Variants in PDK1 observed in about 807,000 individuals in gnomAD.
PDK1 encodes the protein [Pyruvate dehydrogenase (acetyl-transferring)] kinase isozyme 1, mitochondrial.
In PDK1, 39 loss-of-function variants were observed where a neutral mutation model predicts 54.2. The observed-to-expected ratio is 0.72, with a 90% CI of 0.56 to 0.94. The LOEUF is 0.94. Ranked by LOEUF, PDK1 falls within the 40% of genes least tolerant of loss-of-function variation. The pLI is 0.00. For synonymous variants in PDK1, 221 were observed against 207.1 expected (o/e 1.07, Z -0.58); for missense variants, 552 against 566.0 (o/e 0.98, Z 0.25).
chr2:172,671,791 G>A, the PDK1 span, among the ~76,000 whole-genome samples: 9,562 of 152,198 alleles, frequency 0.063, 1,022 homozygotes, highest in East Asian at 0.53. Flanking sequence ...CTGTCTTAGA[G>A]TAATAGTTTA....
At chr2:172,592,179 A>G (rs1343603004) in intron 9 of PDK1, among the ~76,000 whole-genome samples, 2 of 152,286 alleles carry the variant, frequency 1.3e-5, no homozygotes, top group African/African-American at 4.8e-5. Flanking sequence ...CACTGACAAC[A>G]AGGTGGTATT....
At chr2:172,575,691 G>C (rs1574493428) in intron 8 of PDK1, among the ~76,000 whole-genome samples, 1 of 151,936 alleles carries the variant, frequency 6.6e-6, no homozygotes, top group Non-Finnish European at 1.5e-5. Context: ...GCACGGTGGT[G>C]CGTGCCTGTA....
At chr2:172,692,328 C>G in the PDK1 span, among the ~76,000 whole-genome samples, 1 of 152,116 alleles carries the variant, frequency 6.6e-6, no homozygotes, top group South Asian at 2.1e-4. Flanking sequence ...ATACAAGGTA[C>G]TGGTGGCTCT....
chr2:172,657,132 G>C, the PDK1 span, among the ~76,000 whole-genome samples: 14 of 152,096 alleles, frequency 9.2e-5, no homozygotes, highest in Non-Finnish European at 2.1e-4. Context: ...GGTTTGCCCT[G>C]TGACCTCAAT....
At chr2:172,571,004 T>C (rs1271947673) in intron 8 of PDK1, among the ~76,000 whole-genome samples, 180 bp downstream of exon 8, 2 of 152,200 alleles carry the variant, frequency 1.3e-5, no homozygotes, top group African/African-American at 4.8e-5. Context: ...TAGTTATCCC[T>C]TGAGTCTTTT....
At chr2:172,560,313 G>A (rs964528941) in intron 2 of PDK1, among the ~76,000 whole-genome samples, 1 of 152,136 alleles carries the variant, frequency 6.6e-6, no homozygotes, top group Admixed American at 6.5e-5. Flanking sequence ...CCACAGCCAT[G>A]CGCCACCATA....
chr2:172,573,499 G>T (rs1416087444), intron 8 of PDK1, among the ~76,000 whole-genome samples: 1 of 148,732 alleles, frequency 6.7e-6, no homozygotes, highest in Non-Finnish European at 1.5e-5. Flanking sequence ...GGGATTCTAT[G>T]TGTGTGTATA....
intron 8 of PDK1, among the ~76,000 whole-genome samples, chr2:172,574,957 G>T (rs1689497484): frequency 6.6e-6 from 1 of 152,138 alleles, no homozygotes; most frequent in South Asian, 2.1e-4. Context: ...CTAAGGGGGA[G>T]AACTTCTTGT....
At chr2:172,719,153 T>A in the PDK1 span, among the ~76,000 whole-genome samples, 1 of 152,232 alleles carries the variant, frequency 6.6e-6, no homozygotes, top group African/African-American at 2.4e-5. Context: ...TGACAGCAGT[T>A]CATGCTTTTA....
intron 8 of PDK1, among the ~76,000 whole-genome samples, chr2:172,577,826 T>A (rs190867011): frequency 6.6e-6 from 1 of 152,342 alleles, no homozygotes; most frequent in East Asian, 1.9e-4. Context: ...TTCAATTGTC[T>A]TTTAAATCAG....
chr2:172,599,786 A>C lies in PDK1; in HGVS notation c.*3817A>C, dbSNP rs1210962455. 1 of 152,212 alleles carries C rather than the reference A, an allele frequency of 6.6e-6. No homozygotes were observed. The highest frequency in any genetic ancestry group is 2.4e-5 in the African/African-American group (1 of 41,462). 9.4% of individuals were successfully genotyped at this position (152,212 alleles called of 1,614,324 possible). A position where few individuals can be genotyped will look rare whatever the true frequency, so the allele number is the denominator to read the frequency against. On this transcript the variant is annotated 3_prime_UTR_variant, in exon 11 of 11. Transcript: ENST00000282077. ...CACAGTTCTTTAGCAATTGCTAACC[A>C]TAGGTTTTTAATAGCAAAAGACAAG...
chr2:172,585,632 C>G (rs928895809), intron 8 of PDK1, among the ~76,000 whole-genome samples: 2 of 152,028 alleles, frequency 1.3e-5, no homozygotes, highest in East Asian at 3.9e-4. Context: ...CTTCTAGTCA[C>G]CATGCTGCCC....
At chr2:172,640,067 A>C in the PDK1 span, among the ~76,000 whole-genome samples, 1 of 152,248 alleles carries the variant, frequency 6.6e-6, no homozygotes. Flanking sequence ...GGACTGGATT[A>C]TGGAAATCAG....
At chr2:172,703,755 T>TTTCC in the PDK1 span, among the ~76,000 whole-genome samples, 2 of 138,086 alleles carry the variant, frequency 1.4e-5, no homozygotes, top group Admixed American at 1.5e-4. Context: ...TTTCTTTTTC[T>TTTCC]TTCTTTCTTT....
intron 9 of PDK1, among the ~76,000 whole-genome samples, chr2:172,588,297 G>C (rs150906569): frequency 6.6e-6 from 1 of 152,204 alleles, no homozygotes; most frequent in Non-Finnish European, 1.5e-5. Context: ...TTTATGGAGA[G>C]CGGCATAGTG....
rs935250802 is a variant in PDK1, at chr2:172,556,103, G to A, written c.-48G>A. 2 of 1,320,310 alleles carry A rather than the reference G, an allele frequency of 1.5e-6. No individual in the cohort carries two copies. Among genetic ancestry groups the A allele is most frequent in the Admixed American group, 4.1e-5 (1 of 24,682 alleles). The allele number at this position is 1,320,310 out of a possible 1,614,324, so 81.8% of individuals were successfully genotyped here. A position where few individuals can be genotyped will look rare whatever the true frequency, so the allele number is the denominator to read the frequency against. On this transcript the variant is annotated 5_prime_UTR_variant, in exon 1 of 11. Coordinates refer to ENST00000282077, the MANE Select transcript of PDK1 (RefSeq NM_002610.5). ...CCCTCACGTACCACTCGGCAGAGGC[G>A]CGGGGAAACCTGGCGTACTGGCTGT... is the stretch of plus-strand genomic sequence containing the variant.
rs150643315 is a variant in PDK1, at chr2:172,558,501, T to C, written c.197-207T>C. On this transcript the variant is annotated intron_variant, in intron 1 of 10. Coordinates refer to ENST00000282077, the MANE Select transcript of PDK1 (RefSeq NM_002610.5). Reference sequence around the variant, plus strand: ...TACAGAGCCATTGGAATGTCAGTAATTGGAAGGTCATAACTCTGGAGACTG... The same window carrying C: ...TACAGAGCCATTGGAATGTCAGTAACTGGAAGGTCATAACTCTGGAGACTG... Among the ~76,000 whole-genome samples the C allele has an allele frequency of 4.5e-3, 692 of 152,330 alleles. 3 individuals are homozygous for C. Among genetic ancestry groups the C allele is most frequent in the African/African-American group, 0.015 (633 of 41,574 alleles).
At chr2:172,565,979 C>T (rs10930562) in intron 5 of PDK1, among the ~76,000 whole-genome samples, 37,917 of 152,114 alleles carry the variant, frequency 0.25, 5,585 homozygotes, top group African/African-American at 0.41. Context: ...CTTAAATACA[C>T]GCTCACTTTT....
chr2:172,707,524 C>A, the PDK1 span, among the ~76,000 whole-genome samples: 1 of 152,190 alleles, frequency 6.6e-6, no homozygotes, highest in Admixed American at 6.5e-5. Context: ...TGCTTCCAGG[C>A]TGCCAGCTTC....
Sources: gnomAD v4.1 joint callset for allele counts (sites outside exome capture counted in the v4.1 genomes callset) on GRCh38, gnomAD v4.1.1 for gene constraint, MANE v1.5 for transcripts, NCBI Gene and HGNC (gene_info 2026-07-23, HGNC 2026-07-21) for gene names.